The following ZBED6 variants were observed in gnomAD, a reference collection of about 807,000 sequenced individuals.
ZBED6 encodes zinc finger BED domain-containing protein 6.
A neutral mutation model predicts 58.4 loss-of-function variants in ZBED6; 40 were observed. That is an observed-to-expected ratio of 0.68 (90% confidence interval 0.53 to 0.89). The LOEUF (loss-of-function observed/expected upper bound fraction) is 0.89. Ranked by LOEUF, ZBED6 falls within the 40% of genes least tolerant of loss-of-function variation. ZBED6 has a pLI of 0.00. For missense variants in ZBED6, 1,057 were observed against 1,003.9 expected (o/e 1.05, Z -0.71); for synonymous variants, 439 against 350.6 (o/e 1.25, Z -2.82).
chr1:203,811,969 C>A (rs1481537988), intron 1 of ZBED6, among the ~76,000 whole-genome samples: 1 of 151,784 alleles, frequency 6.6e-6, no homozygotes, highest in Non-Finnish European at 1.5e-5. Context: ...ATGTGTGCCA[C>A]CATGCTTGGC....
intron 7 of ZBED6, 39 bp from the exon 8 acceptor site, chr1:203,831,622 C>G (rs772316781): frequency 6.4e-7 from 1 of 1,560,346 alleles, no homozygotes; most frequent in Admixed American, 1.8e-5. Flanking sequence ...GCATTATTTT[C>G]CATAAATTAT....
chr1:203,807,287 TTTTA>T (rs1299888727), intron 1 of ZBED6, among the ~76,000 whole-genome samples: 3 of 152,154 alleles, frequency 2.0e-5, no homozygotes, highest in East Asian at 1.9e-4. Context: ...TTTTTAAAAT[TTTTA>T]TTTATTTATT....
At chr1:203,812,783 T>C (rs1324294528) in intron 1 of ZBED6, among the ~76,000 whole-genome samples, 4 of 152,052 alleles carry the variant, frequency 2.6e-5, no homozygotes, top group Admixed American at 1.3e-4. Flanking sequence ...GGTCTCACCA[T>C]GTTTGCCAAG....
intron 11 of ZBED6, among the ~76,000 whole-genome samples, chr1:203,842,687 C>CAT (rs1434298428): frequency 1.3e-5 from 2 of 149,114 alleles, no homozygotes; most frequent in East Asian, 3.9e-4. Context: ...GAGAAACATG[C>CAT]ATATGTATGA....
At chr1:203,834,815 G>C (rs2103100220) in intron 9 of ZBED6, among the ~76,000 whole-genome samples, 1 of 151,930 alleles carries the variant, frequency 6.6e-6, no homozygotes, top group Non-Finnish European at 1.5e-5. Context: ...GCTAATTTTT[G>C]TATTTTTAGT....
chr1:203,810,917 G>A (rs1674252242), intron 1 of ZBED6, among the ~76,000 whole-genome samples: 1 of 151,302 alleles, frequency 6.6e-6, no homozygotes, highest in African/African-American at 2.4e-5. Context: ...GATGACCTGA[G>A]GTCAGGAGTT....
Position 203,835,416 on chromosome 1 carries a change from C to T in ZBED6, c.*3573+1563C>T, listed in dbSNP as rs149488175. Among the ~76,000 whole-genome samples the T allele has an allele frequency of 1.5e-3, 233 of 152,012 alleles. 4 individuals carry two copies. The highest frequency in any genetic ancestry group is 4.9e-3 in the African/African-American group (205 of 41,472). ...ACATTACACGTTATACAGTCATTTA[C>T]GAAAAAAGCTTAGAAGAGACAGAAA... On this transcript the variant is annotated intron_variant, in intron 9 of 16. Coordinates refer to ENST00000550078, the Ensembl canonical transcript of ZBED6.
chr1:203,843,372 G>C (rs1481886550), intron 11 of ZBED6, among the ~76,000 whole-genome samples: 1 of 151,932 alleles, frequency 6.6e-6, no homozygotes, highest in African/African-American at 2.4e-5. Flanking sequence ...ATTTCTTTTT[G>C]TTTTCTCCTT....
intron 10 of ZBED6, among the ~76,000 whole-genome samples, chr1:203,838,830 A>G (rs1685164795): frequency 2.0e-5 from 3 of 151,994 alleles, no homozygotes; most frequent in South Asian, 2.1e-4. Flanking sequence ...GCACGCACCT[A>G]TAATCCCAGC....
chr1:203,817,732 T>G (rs964669130), intron 2 of ZBED6, among the ~76,000 whole-genome samples: 1 of 152,012 alleles, frequency 6.6e-6, no homozygotes, highest in African/African-American at 2.4e-5. Flanking sequence ...AAAAATTTGT[T>G]CTTCAGTCAT....
At position 203,841,844 on chromosome 1, in the gene ZBED6, G is replaced by A. The variant is rs1305366130; in HGVS notation, c.*3741+1470G>A. Among the ~76,000 whole-genome samples, 39 of 149,372 alleles carry A rather than the reference G, an allele frequency of 2.6e-4. 1 individual carries two copies. In the East Asian group the frequency reaches 4.8e-3, roughly 19 times the overall value. On this transcript the variant is annotated intron_variant, in intron 11 of 16. Transcript: ENST00000550078. Reference sequence around the variant, plus strand: ...CGGAGGGGCTCCTCACTTCGCAGACGGGGCGGCTGCCGGGCGGAGGGGCTC... The same window carrying A: ...CGGAGGGGCTCCTCACTTCGCAGACAGGGCGGCTGCCGGGCGGAGGGGCTC...
exon 1 of ZBED6, chr1:203,798,590 A>G (rs1414482091): frequency 3.3e-6 from 5 of 1,536,170 alleles, no homozygotes; most frequent in South Asian, 2.4e-5. Context: ...CAGGCAGCCA[A>G]GATTTAACAG....
chr1:203,805,220 G>A (rs551705192), intron 1 of ZBED6, among the ~76,000 whole-genome samples: 1 of 147,916 alleles, frequency 6.8e-6, no homozygotes, highest in African/African-American at 2.5e-5. Context: ...CTGGACCTCC[G>A]CCTCCTGGGT....
At chr1:203,805,418 A>G (rs1671986880) in intron 1 of ZBED6, among the ~76,000 whole-genome samples, 1 of 152,158 alleles carries the variant, frequency 6.6e-6, no homozygotes, top group South Asian at 2.1e-4. Flanking sequence ...GGTGTGAGCC[A>G]CCGCGCCCTG....
chr1:203,828,464 C>T, intron 4 of ZBED6, 42 bp downstream of exon 4: 2 of 1,564,520 alleles, frequency 1.3e-6, no homozygotes, highest in Non-Finnish European at 1.7e-6. Context: ...CAAATGAACA[C>T]CTATTATGCA....
At chr1:203,838,028 G>C (rs1460720314) in exon 10 of ZBED6, 2 of 1,614,044 alleles carry the variant, frequency 1.2e-6, no homozygotes, top group East Asian at 2.2e-5. Flanking sequence ...GAAAGTTGAA[G>C]CTCCAGAAAC....
intron 1 of ZBED6, among the ~76,000 whole-genome samples, chr1:203,813,968 CTTGT>C (rs1176911592): frequency 8.1e-5 from 4 of 49,400 alleles, no homozygotes; most frequent in Non-Finnish European, 1.5e-4. Flanking sequence ...AGCATACATT[CTTGT>C]TTTTTTTTTT....
At chr1:203,827,711 G>C (rs1482204119) in intron 3 of ZBED6, among the ~76,000 whole-genome samples, 5 of 152,040 alleles carry the variant, frequency 3.3e-5, no homozygotes, top group African/African-American at 1.2e-4. Context: ...GGTGACTTGG[G>C]AAGGATACCT....
intron 1 of ZBED6, among the ~76,000 whole-genome samples, chr1:203,814,279 T>A (rs1675494901): frequency 6.6e-6 from 1 of 152,188 alleles, no homozygotes; most frequent in Non-Finnish European, 1.5e-5. Flanking sequence ...ATCCCAGCAC[T>A]TTGGGAGGCT....
Sources: allele counts gnomAD v4.1 joint callset (sites outside exome capture counted in the v4.1 genomes callset), GRCh38; gene constraint gnomAD v4.1.1; transcripts MANE v1.5; gene names NCBI Gene and HGNC (gene_info 2026-07-23, HGNC 2026-07-21).